The following MKLN1 variants were observed in gnomAD, a reference collection of about 807,000 sequenced individuals.
The protein encoded by MKLN1 is muskelin 1.
A neutral mutation model predicts 99.0 loss-of-function variants in MKLN1; 18 were observed. That is an observed-to-expected ratio of 0.18 (90% CI 0.13 to 0.27). MKLN1 has a LOEUF of 0.27. MKLN1 is among the 10% of genes least tolerant of loss of function. MKLN1 has a pLI of 1.00. For synonymous variants in MKLN1, 288 were observed against 293.2 expected (o/e 0.98, Z 0.18); for missense variants, 621 against 875.9 (o/e 0.71, Z 3.67).
chr7:131,339,488 T>C (rs753306330), intron 1 of MKLN1, among the ~76,000 whole-genome samples: 5 of 152,158 alleles, frequency 3.3e-5, no homozygotes, highest in Non-Finnish European at 7.4e-5. Context: ...GTGGATCACT[T>C]GAGGTCAGGA....
In MKLN1 at chr7:131,400,900, T is replaced by G. The variant is rs1241206829; in HGVS notation, c.703+1467T>G. Among the ~76,000 whole-genome samples, 3 of 152,264 alleles carry G rather than the reference T, an allele frequency of 2.0e-5. No homozygotes were observed. In the East Asian group the frequency reaches 5.8e-4, roughly 29 times the overall value. ...GAAACTTACAGCCACATCATAGTTT[T>G]TGTACTGTGAATACTATGGGCTTTC... On this transcript the variant is annotated intron_variant, in intron 6 of 17. Coordinates refer to ENST00000352689, the MANE Select transcript of MKLN1 (RefSeq NM_013255.5).
intron 2 of MKLN1, among the ~76,000 whole-genome samples, chr7:131,181,053 A>ATAATTAATTAT (rs1172849428): frequency 1.3e-5 from 2 of 152,326 alleles, no homozygotes; most frequent in African/African-American, 4.8e-5. Flanking sequence ...AAATTGACAA[A>ATAATTAATTAT]TAATTAATTC....
intron 1 of MKLN1, among the ~76,000 whole-genome samples, chr7:131,138,069 G>T (rs912366069): frequency 1.3e-5 from 2 of 151,934 alleles, no homozygotes; most frequent in African/African-American, 4.8e-5. Flanking sequence ...GGGATTAAAG[G>T]CATGTGCCAC....
At position 131,490,026 on chromosome 7, in the gene MKLN1, G is replaced by A. The variant is rs961458153; in HGVS notation, c.*2298G>A. 11 of 152,524 alleles carry A rather than the reference G, an allele frequency of 7.2e-5. No homozygotes were observed. Among genetic ancestry groups the A allele is most frequent in the African/African-American group, 2.2e-4 (9 of 41,434 alleles). 9.4% of individuals were successfully genotyped at this position (152,524 alleles called of 1,614,324 possible). On this transcript the variant is annotated 3_prime_UTR_variant, in exon 18 of 18. Coordinates refer to ENST00000352689, the MANE Select transcript of MKLN1 (RefSeq NM_013255.5). ...GTGGGGCTTTAATCGGAGCACTGCT[G>A]GAAATGATTGCAGAGAATGTAGTGC... is the stretch of plus-strand genomic sequence containing the variant.
At chr7:131,325,235 G>A (rs1346516778), upstream of MKLN1, among the ~76,000 whole-genome samples, 1 of 151,814 alleles carries the variant, frequency 6.6e-6, no homozygotes, top group Non-Finnish European at 1.5e-5. Context: ...AGAAAGAAAG[G>A]GGAAAAAAGA....
intron 2 of MKLN1, among the ~76,000 whole-genome samples, chr7:131,164,559 T>G (rs1796097089): frequency 6.6e-6 from 1 of 152,250 alleles, no homozygotes; most frequent in South Asian, 2.1e-4. Context: ...TGTGCCATTT[T>G]TTTTGTTGTT....
intron 1 of MKLN1, among the ~76,000 whole-genome samples, chr7:131,349,408 G>A (rs1260604416): frequency 2.6e-5 from 4 of 152,128 alleles, no homozygotes; most frequent in South Asian, 2.1e-4. Context: ...TGTTGACCAG[G>A]ATGGTCTCTA....
At chr7:131,452,129 TG>T (rs1254739802) in intron 12 of MKLN1, among the ~76,000 whole-genome samples, 2 of 152,232 alleles carry the variant, frequency 1.3e-5, no homozygotes, top group African/African-American at 4.8e-5. Context: ...TATAGCAGAT[TG>T]GTACCATTGA....
chr7:131,330,623 A>G (rs561067660), intron 1 of MKLN1, among the ~76,000 whole-genome samples: 2 of 152,326 alleles, frequency 1.3e-5, no homozygotes, highest in East Asian at 1.9e-4. Flanking sequence ...CTGCTTCTGC[A>G]CAAAGGTATA....
upstream of MKLN1, among the ~76,000 whole-genome samples, chr7:131,326,375 C>T (rs1798890050): frequency 6.6e-6 from 1 of 152,168 alleles, no homozygotes; most frequent in Admixed American, 6.5e-5. Flanking sequence ...GACAGAATTT[C>T]ACTCTGTTGC....
At chr7:131,484,973 T>TA (rs1797233426) in intron 17 of MKLN1, among the ~76,000 whole-genome samples, 1 of 152,100 alleles carries the variant, frequency 6.6e-6, no homozygotes, top group Non-Finnish European at 1.5e-5. Flanking sequence ...TATAATAGTG[T>TA]AAAACAATGT....
intron 10 of MKLN1, among the ~76,000 whole-genome samples, chr7:131,441,814 T>G (rs2116498050): frequency 6.6e-6 from 1 of 152,242 alleles, no homozygotes; most frequent in African/African-American, 2.4e-5. Context: ...GTAACAAAGA[T>G]TGGCCATTAG....
At chr7:131,285,366 C>T (rs770083225) in intron 3 of MKLN1, among the ~76,000 whole-genome samples, 70 of 152,186 alleles carry the variant, frequency 4.6e-4, no homozygotes, top group African/African-American at 1.5e-3. Flanking sequence ...CAATGAGACA[C>T]GGGATGCGCT....
intron 3 of MKLN1, among the ~76,000 whole-genome samples, chr7:131,291,101 T>TTTTATTTTATTTA (rs550977388): frequency 0.031 from 4,214 of 134,794 alleles, 82 homozygotes; most frequent in East Asian, 0.043. Flanking sequence ...TCTCATTTTA[T>TTTTATTTTATTTA]TTTATTTATT....
rs1263876715 is a variant in MKLN1, at chr7:131,387,270, A to T, written c.311+8A>T. The T allele has an allele frequency of 1.2e-5, 20 of 1,604,916 alleles. No homozygotes were observed. Among genetic ancestry groups the T allele is most frequent in the Non-Finnish European group, 1.6e-5 (19 of 1,176,922 alleles). Reference sequence around the variant, plus strand: ...GACAGAGCTGTTGTCCAGGTGAGTTATGGTTATGTTGAAGAGAGCTGTCTT... The same window carrying T: ...GACAGAGCTGTTGTCCAGGTGAGTTTTGGTTATGTTGAAGAGAGCTGTCTT... On this transcript the variant is annotated splice_region_variant and intron_variant, in intron 3 of 17. Transcript: ENST00000352689.
chr7:131,359,850 C>G (rs1355092862), intron 1 of MKLN1, among the ~76,000 whole-genome samples: 1 of 152,128 alleles, frequency 6.6e-6, no homozygotes, highest in Admixed American at 6.6e-5. Flanking sequence ...TCTCCTGCCT[C>G]AGCCTCCTGA....
intron 12 of MKLN1, among the ~76,000 whole-genome samples, chr7:131,450,420 A>G (rs2116544807): frequency 6.6e-6 from 1 of 152,318 alleles, no homozygotes. Flanking sequence ...GAAGAAAAGA[A>G]CATATTTTTA....
intron 1 of MKLN1, among the ~76,000 whole-genome samples, chr7:131,122,745 G>A (rs1472067619): frequency 1.3e-5 from 2 of 152,102 alleles, no homozygotes; most frequent in Non-Finnish European, 2.9e-5. Flanking sequence ...CTGCGGGCCG[G>A]GTGCGGTGGC....
chr7:131,384,962 A>G (rs1244957376), intron 2 of MKLN1, among the ~76,000 whole-genome samples: 1 of 152,234 alleles, frequency 6.6e-6, no homozygotes, highest in South Asian at 2.1e-4. Context: ...AGAATTGAGC[A>G]ACTATCACCT....
Sources: allele counts gnomAD v4.1 joint callset (sites outside exome capture counted in the v4.1 genomes callset), GRCh38; gene constraint gnomAD v4.1.1; transcripts MANE v1.5; gene names NCBI Gene and HGNC (gene_info 2026-07-23, HGNC 2026-07-21).